FHIT: variants seen among roughly 807,000 people sequenced by gnomAD.
FHIT encodes fragile histidine triad diadenosine triphosphatase, also known as bis(5'-adenosyl)-triphosphatase.
FHIT carries 19 observed loss-of-function variants against 17.9 expected under a neutral mutation model. The ratio of observed to expected loss-of-function variants is 1.06; its 90% CI spans 0.74 to 1.56. FHIT has a LOEUF of 1.56. FHIT is among the 40% of genes most tolerant of loss of function. The pLI is 0.00. For missense variants in FHIT, 248 were observed against 189.2 expected, an observed-to-expected ratio of 1.31 and a Z score of -1.82; for synonymous variants, 81 against 69.7, an observed-to-expected ratio of 1.16 and a Z score of -0.81.
chr3:60,203,855 C>T (rs756985240), intron 5 of FHIT, among the ~76,000 whole-genome samples: 56 of 152,042 alleles, frequency 3.7e-4, no homozygotes, highest in Non-Finnish European at 6.8e-4. Context: ...AGACAAACTT[C>T]GCATGTTCTC....
intron 5 of FHIT, among the ~76,000 whole-genome samples, chr3:60,244,306 G>A (rs1705281206): frequency 6.6e-6 from 1 of 151,970 alleles, no homozygotes; most frequent in African/African-American, 2.4e-5. Flanking sequence ...TATGGGGGGA[G>A]GGATGGAATT....
intron 2 of FHIT, among the ~76,000 whole-genome samples, chr3:61,053,584 G>A (rs1024490930): frequency 6.6e-6 from 1 of 152,128 alleles, no homozygotes; most frequent in Non-Finnish European, 1.5e-5. Flanking sequence ...CTTGAACCCA[G>A]GAGGCAGAGG....
At chr3:60,923,264 C>T (rs1236828047) in intron 3 of FHIT, among the ~76,000 whole-genome samples, 1 of 152,220 alleles carries the variant, frequency 6.6e-6, no homozygotes, top group African/African-American at 2.4e-5. Flanking sequence ...AGGGTTCAGA[C>T]TCTGGAGTCA....
chr3:60,366,351 C>G (rs182258669), intron 5 of FHIT, among the ~76,000 whole-genome samples: 33 of 152,270 alleles, frequency 2.2e-4, no homozygotes, highest in Non-Finnish European at 4.0e-4. Context: ...TCTCAAACTC[C>G]TGACCTCAAG....
At chr3:61,065,029 T>C (rs1441713824) in intron 2 of FHIT, among the ~76,000 whole-genome samples, 1 of 151,982 alleles carries the variant, frequency 6.6e-6, no homozygotes, top group Non-Finnish European at 1.5e-5. Flanking sequence ...GAGCAGAGAG[T>C]GTCCTGGGGC....
chr3:61,049,668 G>A (rs1271244059), intron 2 of FHIT, among the ~76,000 whole-genome samples: 2 of 152,086 alleles, frequency 1.3e-5, no homozygotes, highest in Non-Finnish European at 2.9e-5. Context: ...ATAAAATCTA[G>A]CCAAGACTCC....
chr3:60,050,530 T>C (rs1701829232), intron 5 of FHIT, among the ~76,000 whole-genome samples: 1 of 152,198 alleles, frequency 6.6e-6, no homozygotes, highest in Admixed American at 6.5e-5. Flanking sequence ...ACTGAAAGAA[T>C]GTATGTGCAT....
intron 5 of FHIT, among the ~76,000 whole-genome samples, chr3:60,124,009 T>TATAGAGAGAG (rs1384962194): frequency 8.2e-5 from 1 of 12,158 alleles, no homozygotes; most frequent in Non-Finnish European, 1.5e-4. Context: ...TATATATATA[T>TATAGAGAGAG]AGAGAGAGAG....
intron 5 of FHIT, among the ~76,000 whole-genome samples, chr3:60,190,999 C>T (rs189058723): frequency 4.9e-4 from 74 of 151,970 alleles, no homozygotes; most frequent in African/African-American, 1.8e-3. Context: ...CTGGGAGGCC[C>T]TGGGAAGCTA....
intron 5 of FHIT, among the ~76,000 whole-genome samples, chr3:60,448,508 A>G (rs369161): frequency 0.43 from 65,002 of 151,708 alleles, 16,724 homozygotes; most frequent in African/African-American, 0.72. Flanking sequence ...GTAACTCTGA[A>G]TTAAATACCG....
chr3:61,231,472 G>A (rs1328131318), intron 1 of FHIT, among the ~76,000 whole-genome samples: 1 of 150,364 alleles, frequency 6.7e-6, no homozygotes, highest in Non-Finnish European at 1.5e-5. Flanking sequence ...CTGGGCAAAA[G>A]AGTGAGTCTC....
chr3:61,145,731 T>G (rs1166707910), intron 2 of FHIT, among the ~76,000 whole-genome samples: 1 of 146,700 alleles, frequency 6.8e-6, no homozygotes, highest in Admixed American at 7.1e-5. Context: ...CTTATACTTC[T>G]GTTAAGTTTA....
intron 2 of FHIT, among the ~76,000 whole-genome samples, chr3:61,108,174 CTCT>C (rs199823230): frequency 1.0e-3 from 153 of 152,192 alleles, no homozygotes; most frequent in African/African-American, 2.8e-3. Context: ...TTTGAGAAAT[CTCT>C]TATTATTATC....
intron 1 of FHIT, among the ~76,000 whole-genome samples, chr3:61,249,701 A>G (rs2040566884): frequency 6.6e-6 from 1 of 152,176 alleles, no homozygotes; most frequent in South Asian, 2.1e-4. Context: ...ATTAAATTAT[A>G]ACACATATAT....
At chr3:60,963,685 G>T (rs1408720340) in intron 3 of FHIT, among the ~76,000 whole-genome samples, 2 of 149,362 alleles carry the variant, frequency 1.3e-5, no homozygotes, top group African/African-American at 4.9e-5. Flanking sequence ...ATTTGGTTAT[G>T]TGCCCAGTAG....
chr3:59,875,148 C>T (rs1236735690), intron 8 of FHIT, among the ~76,000 whole-genome samples: 3 of 152,158 alleles, frequency 2.0e-5, no homozygotes, highest in Non-Finnish European at 4.4e-5. Context: ...CCAACACTGA[C>T]AACCACGTCT....
rs115779576 is a variant in FHIT at position 60,917,316 on chromosome 3, T to C, written c.-110-95305A>G. 5.0e-3 allele frequency among the ~76,000 whole-genome samples: 758 copies of C among 152,362 alleles called. 5 individuals are homozygous for C. Among genetic ancestry groups the C allele is most frequent in the African/African-American group, 0.017 (690 of 41,594 alleles). On this transcript the variant is annotated intron_variant, in intron 3 of 9. Transcript: ENST00000492590. The stretch of plus-strand genomic sequence containing the variant: ...GCTAAGATTACCAGGCTCCAAACCA[T>C]GCTTGCCTTCCCTGGCACACAGCCA...
At chr3:61,202,214 C>T (rs919644295) in intron 1 of FHIT, among the ~76,000 whole-genome samples, 13 of 151,592 alleles carry the variant, frequency 8.6e-5, no homozygotes, top group African/African-American at 3.2e-4. Flanking sequence ...GCCCGGCTGG[C>T]CAACTGACTG....
At chr3:61,242,571 C>A (rs1181145638) in intron 1 of FHIT, among the ~76,000 whole-genome samples, 1 of 152,110 alleles carries the variant, frequency 6.6e-6, no homozygotes, top group Non-Finnish European at 1.5e-5. Context: ...GATGGTTTAT[C>A]CAGAGAGAGG....
Sources: gnomAD v4.1 joint callset for allele counts (sites outside exome capture counted in the v4.1 genomes callset) on GRCh38, gnomAD v4.1.1 for gene constraint, MANE v1.5 for transcripts, NCBI Gene and HGNC (gene_info 2026-07-23, HGNC 2026-07-21) for gene names.